The following CACNA1E variants were observed in gnomAD, a reference collection of about 807,000 sequenced individuals.
CACNA1E encodes the protein calcium voltage-gated channel subunit alpha1 E, also known as voltage-dependent R-type calcium channel subunit alpha-1E.
A neutral mutation model predicts 259.2 loss-of-function variants in CACNA1E; 40 were observed. The ratio of observed to expected loss-of-function variants is 0.15; its 90% confidence interval spans 0.12 to 0.20. The LOEUF is 0.20. Ranked by LOEUF, CACNA1E falls within the 10% of genes least tolerant of loss-of-function variation. The probability of loss-of-function intolerance (pLI) is 1.00; values close to 1 mark genes in which losing one functional copy is unlikely to be tolerated. For synonymous variants in CACNA1E, 1,104 were observed against 1,138.5 expected, an observed-to-expected ratio of 0.97 and a Z score of 0.61; for missense variants, 1,874 against 3,040.1, an observed-to-expected ratio of 0.62 and a Z score of 9.02.
chr1:181,489,631 T>C (rs1410022380), intron 1 of CACNA1E, among the ~76,000 whole-genome samples: 3 of 152,178 alleles, frequency 2.0e-5, no homozygotes, highest in East Asian at 3.9e-4. Context: ...TCAGAGACTG[T>C]GGTTAAGTGG....
At position 181,757,144 on chromosome 1, in the gene CACNA1E, A is replaced by G. The variant is rs1231805014; in HGVS notation, c.4329+18A>G. 2.5e-6 allele frequency: 4 copies of G among 1,583,826 alleles called. No individual in the cohort carries two copies. Among genetic ancestry groups the G allele is most frequent in the Non-Finnish European group, 1.7e-6 (2 of 1,153,170 alleles). Reference sequence around the variant, plus strand: ...AGAATGAGGTAATGACAATTGGTCTAAAGTGGGGAGCAGCAGAGGCTCCAG... The same window carrying G: ...AGAATGAGGTAATGACAATTGGTCTGAAGTGGGGAGCAGCAGAGGCTCCAG... On this transcript the variant is annotated intron_variant, in intron 30 of 47. Transcript: ENST00000367573.
At position 181,547,581 on chromosome 1, in the gene CACNA1E, T is replaced by A. The variant is rs186703324; in HGVS notation, c.513-30185T>A. ...CACTAGGTTATTCCAGGACCAGACC[T>A]CTCACTCCTAGTCCAGCGCTCCTTC... On this transcript the variant is annotated intron_variant, in intron 3 of 47. Transcript: ENST00000367573. 6.6e-3 allele frequency among the ~76,000 whole-genome samples: 1,005 copies of A among 152,310 alleles called. 15 individuals carry two copies. The highest frequency in any genetic ancestry group is 0.023 in the African/African-American group (964 of 41,570).
intron 2 of CACNA1E, among the ~76,000 whole-genome samples, chr1:181,428,269 TTAA>T (rs1473445320): frequency 2.0e-5 from 3 of 152,152 alleles, no homozygotes; most frequent in Admixed American, 6.5e-5. Flanking sequence ...GCCCGATGAA[TTAA>T]TAATATGCCA....
chr1:181,641,696 A>ATTTTTTTTTTTTT (rs1369217611), intron 6 of CACNA1E, among the ~76,000 whole-genome samples: 6 of 104,080 alleles, frequency 5.8e-5, no homozygotes, highest in African/African-American at 2.4e-4. Context: ...GGCAACACTA[A>ATTTTTTTTTTTTT]TTTTTTGTTT....
chr1:181,530,331 C>A (rs1253954006), intron 3 of CACNA1E, among the ~76,000 whole-genome samples: 1 of 152,170 alleles, frequency 6.6e-6, no homozygotes, highest in Admixed American at 6.5e-5. Flanking sequence ...TCTTTATCAG[C>A]AGCATGAAAA....
intron 40 of CACNA1E, 138 bp from the exon 41 acceptor site, chr1:181,784,523 G>A (rs1441592357): frequency 3.2e-5 from 19 of 589,924 alleles, no homozygotes; most frequent in Admixed American, 1.2e-4. Flanking sequence ...GGTATTGCAA[G>A]ATCCACTGTC....
chr1:181,586,361 G>A (rs1429481024), intron 6 of CACNA1E, among the ~76,000 whole-genome samples: 1 of 152,128 alleles, frequency 6.6e-6, no homozygotes, highest in African/African-American at 2.4e-5. Flanking sequence ...ATAAATTTGG[G>A]AGTTTTCAGT....
chr1:181,785,280 A>T, intron 41 of CACNA1E, 38 bp from the exon 42 acceptor site: 1 of 1,197,090 alleles, frequency 8.4e-7, no homozygotes, highest in Non-Finnish European at 1.2e-6. Flanking sequence ...CCCATTATCT[A>T]CTCCCTGTTC....
At chr1:181,725,891 C>T (rs949170770) in intron 17 of CACNA1E, among the ~76,000 whole-genome samples, 174 bp from the exon 18 acceptor site, 3 of 152,250 alleles carry the variant, frequency 2.0e-5, no homozygotes, top group Non-Finnish European at 4.4e-5. Flanking sequence ...GGGGCCTGGC[C>T]TCTGGCCATC....
intron 2 of CACNA1E, among the ~76,000 whole-genome samples, chr1:181,430,340 A>C (rs1659626411): frequency 6.6e-6 from 1 of 152,256 alleles, no homozygotes; most frequent in Admixed American, 6.5e-5. Context: ...GGGACCCGAA[A>C]GAGGGTTGCC....
chr1:181,390,373 A>C (rs1557964263), intron 1 of CACNA1E, among the ~76,000 whole-genome samples: 1 of 152,050 alleles, frequency 6.6e-6, no homozygotes, highest in Non-Finnish European at 1.5e-5. Flanking sequence ...AAGTCGAGAG[A>C]ACCTGTAAAA....
intron 46 of CACNA1E, among the ~76,000 whole-genome samples, chr1:181,796,310 G>A (rs971792527): frequency 6.6e-6 from 1 of 152,118 alleles, no homozygotes; most frequent in Non-Finnish European, 1.5e-5. Context: ...TCAATAACAT[G>A]TATTTGTCAT....
chr1:181,737,760 C>G, intron 23 of CACNA1E, 106 bp downstream of exon 23: 2 of 1,458,594 alleles, frequency 1.4e-6, no homozygotes, highest in Non-Finnish European at 1.9e-6. Context: ...GGGGAATGAG[C>G]AAGGGTTGGA....
At chr1:181,767,628 C>T (rs192076500) in intron 35 of CACNA1E, among the ~76,000 whole-genome samples, 2 of 152,344 alleles carry the variant, frequency 1.3e-5, no homozygotes, top group East Asian at 1.9e-4. Context: ...ACTCTTCTCT[C>T]TTGCCTGTAC....
Position 181,798,788 on chromosome 1 carries a change from C to A in CACNA1E, c.6896C>A (p.Ala2299Asp). The stretch of plus-strand genomic sequence containing the variant: ...CCTGGGCCAGGCATGATGTGTGGGG[C>A]TGTCAACAACCTGCTAAGTGACACG... ...GGPGPGMMCG[A>D]VNNLLSDTEE... The change falls in exon 48 of 48, where the codon GCT becomes GAT. Residue 2299 changes from alanine to aspartate, a missense_variant. Physicochemically the swap from Ala to Asp is moderately radical, Grantham distance 126 (BLOSUM62 -2). This residue lies in a region of CACNA1E where 542 missense variants were observed against 587.2 expected (regional missense o/e 0.92). Coordinates refer to ENST00000367573, the MANE Select transcript of CACNA1E (RefSeq NM_001205293.3). This position sits in a 1 kb window ranked among gnomAD's most constrained non-coding sequence, Gnocchi z 4.2. The A allele has an allele frequency of 6.4e-7, 1 of 1,559,376 alleles. No homozygotes were observed. The highest frequency in any genetic ancestry group is 8.7e-7 in the Non-Finnish European group (1 of 1,152,292).
Position 181,340,054 on chromosome 1 carries a change from C to CT in CACNA1E, c.-15+21942dup, listed in dbSNP as rs10660034. On this transcript the variant is annotated intron_variant, in intron 1 of 11. Transcript: ENST00000524607. Reference sequence around the variant, plus strand: ...GGCCTTCACAAACACAAAAATTATACTTTTTTTTTTTACTTCTAGCACTTT... The same window carrying CT: ...GGCCTTCACAAACACAAAAATTATACTTTTTTTTTTTTACTTCTAGCACTTT... Among the ~76,000 whole-genome samples, 353 of 147,760 alleles carry CT rather than the reference C, an allele frequency of 2.4e-3. 2 individuals are homozygous for CT. In the East Asian group the frequency reaches 0.026, roughly 11 times the overall value.
chr1:181,786,569 C>T (rs575385719), intron 43 of CACNA1E, among the ~76,000 whole-genome samples: 2 of 152,278 alleles, frequency 1.3e-5, no homozygotes, highest in East Asian at 3.9e-4. Context: ...GGAATTTTCC[C>T]ATCCTTCTGA....
intron 1 of CACNA1E, among the ~76,000 whole-genome samples, chr1:181,397,321 C>G (rs113973729): frequency 1.4e-3 from 217 of 152,214 alleles, no homozygotes; most frequent in Admixed American, 4.2e-3. Context: ...GCCCCTGCCT[C>G]GGTGAGTTTT....
At chr1:181,639,281 G>C (rs1211010736) in intron 6 of CACNA1E, among the ~76,000 whole-genome samples, 2 of 152,052 alleles carry the variant, frequency 1.3e-5, no homozygotes, top group African/African-American at 4.8e-5. Context: ...GTAGAGATGG[G>C]GTTTCACCGT....
Sources: allele counts gnomAD v4.1 joint callset (sites outside exome capture counted in the v4.1 genomes callset), GRCh38; gene constraint gnomAD v4.1.1; regional missense constraint gnomAD v4.1.1; non-coding constraint Gnocchi (gnomAD v3.1); transcripts MANE v1.5; gene names NCBI Gene and HGNC (gene_info 2026-07-23, HGNC 2026-07-21).